FABP6: variants seen among roughly 807,000 people sequenced by gnomAD.
FABP6 encodes the protein fatty acid binding protein 6.
FABP6 carries 13 observed loss-of-function variants against 14.9 expected under a neutral mutation model. That is an observed-to-expected ratio of 0.87 (90% CI 0.57 to 1.39). The LOEUF (loss-of-function observed/expected upper bound fraction) is 1.39, where lower values mean the gene tolerates loss of function less well. FABP6 is among the 40% of genes most tolerant of loss of function. The probability of loss-of-function intolerance (pLI) is 0.00; values close to 1 mark genes in which losing one functional copy is unlikely to be tolerated. For synonymous variants in FABP6, 75 were observed against 63.6 expected, an observed-to-expected ratio of 1.18 and a Z score of -0.85; for missense variants, 161 against 167.2, an observed-to-expected ratio of 0.96 and a Z score of 0.20.
Position 160,234,907 on chromosome 5 carries a change from G to T in FABP6, c.331G>T (p.Glu111Ter). The T allele has an allele frequency of 6.2e-7, 1 of 1,610,510 alleles. No homozygotes were observed. The highest frequency in any genetic ancestry group is 8.5e-7 in the Non-Finnish European group (1 of 1,178,154). The change falls in exon 3 of 4, where the codon GAG becomes TAG. Residue 111 changes from glutamate (E) to a stop codon, truncating the protein, a stop_gained and splice_region_variant. Coordinates refer to ENST00000402432, the MANE Select transcript of FABP6 (RefSeq NM_001445.3). LOFTEE classifies it high-confidence loss of function. ...AGAGATCGTGGGTGACAAGCTGGTG[G>T]AGGTGAGTGTCATGCTGATTCCTGG... ...TSEIVGDKLVEVSTIGGVTYE... is the reference protein window; with the variant it reads ...TSEIVGDKLV
upstream of FABP6, among the ~76,000 whole-genome samples, chr5:160,226,055 T>G (rs1363610674): frequency 6.6e-6 from 1 of 151,680 alleles, no homozygotes; most frequent in Non-Finnish European, 1.5e-5. Flanking sequence ...GCGCCTATAA[T>G]CCCAGCTACT....
At chr5:160,204,873 G>T (rs1205172452) in intron 2 of FABP6, 1 of 152,174 alleles carries the variant, frequency 6.6e-6, no homozygotes, top group Non-Finnish European at 1.5e-5. Flanking sequence ...AAGGTAGGAA[G>T]CCTCACCCTG....
intron 1 of FABP6, among the ~76,000 whole-genome samples, chr5:160,190,477 C>T (rs1759373252): frequency 6.6e-6 from 1 of 152,140 alleles, no homozygotes; most frequent in Non-Finnish European, 1.5e-5. Context: ...GGCGATCTGC[C>T]CACCTTGGCC....
At chr5:160,210,026 C>A (rs571787440) in intron 2 of FABP6, among the ~76,000 whole-genome samples, 1 of 152,186 alleles carries the variant, frequency 6.6e-6, no homozygotes, top group South Asian at 2.1e-4. Context: ...GGAGACCCGA[C>A]GTGATCTGAC....
At chr5:160,211,472 A>C (rs181853839) in intron 2 of FABP6, among the ~76,000 whole-genome samples, 62 of 152,202 alleles carry the variant, frequency 4.1e-4, no homozygotes, top group Non-Finnish European at 7.6e-4. Context: ...AGTGGGCTTT[A>C]TTTTTAGCTC....
chr5:160,225,501 A>G (rs1282445295), upstream of FABP6, among the ~76,000 whole-genome samples: 1 of 149,640 alleles, frequency 6.7e-6, no homozygotes, highest in Non-Finnish European at 1.5e-5. Context: ...TCCTGGGTTC[A>G]AGCGATTCTC....
Position 160,193,881 on chromosome 5 carries a change from C to T in FABP6, c.-58-5168C>T, listed in dbSNP as rs987728660. 3.3e-5 allele frequency among the ~76,000 whole-genome samples: 5 copies of T among 152,366 alleles called. No homozygotes were observed. In the East Asian group the frequency reaches 9.6e-4, roughly 29 times the overall value. ...TGCAGGTGGAGCTGCCTGCCAGTCA[C>T]GCGCCATGCGCTCGCACTCCTCAGC... is the stretch of plus-strand genomic sequence containing the variant. On this transcript the variant is annotated intron_variant, in intron 1 of 6. Coordinates refer to the FABP6 transcript ENST00000393980.
At chr5:160,216,545 G>A (rs1760016823) in intron 3 of FABP6, among the ~76,000 whole-genome samples, 2 of 152,160 alleles carry the variant, frequency 1.3e-5, no homozygotes, top group South Asian at 4.1e-4. Context: ...TGGGATTACA[G>A]GCATGAGCCA....
At chr5:160,214,137 TTCTTTC>T (rs1405860166) in intron 3 of FABP6, among the ~76,000 whole-genome samples, 3 of 148,950 alleles carry the variant, frequency 2.0e-5, no homozygotes, top group African/African-American at 5.0e-5. Flanking sequence ...CTTTCTTTCT[TTCTTTC>T]TTTCTTTCTT....
intron 1 of FABP6, among the ~76,000 whole-genome samples, chr5:160,193,413 C>G (rs945498590): frequency 2.9e-4 from 44 of 152,084 alleles, no homozygotes; most frequent in Admixed American, 2.3e-3. Context: ...AAGAACAAGG[C>G]TTCCACAGTG....
intron 3 of FABP6, among the ~76,000 whole-genome samples, chr5:160,216,550 G>A (rs1381151616): frequency 2.0e-5 from 3 of 152,154 alleles, no homozygotes; most frequent in Middle Eastern, 3.2e-3. Flanking sequence ...TTACAGGCAT[G>A]AGCCACCGTG....
At chr5:160,207,723 CTTT>C (rs139123590) in intron 2 of FABP6, among the ~76,000 whole-genome samples, 88 of 124,282 alleles carry the variant, frequency 7.1e-4, no homozygotes, top group Non-Finnish European at 3.6e-4. Flanking sequence ...TCTTTACCTC[CTTT>C]TTTTTTTTTT....
chr5:160,220,761 A>G (rs1015177374), intron 3 of FABP6, among the ~76,000 whole-genome samples: 4 of 152,004 alleles, frequency 2.6e-5, no homozygotes, highest in African/African-American at 9.7e-5. Context: ...ATCATGTTGT[A>G]ACTGCCTGTT....
rs376369162 is a variant in FABP6, at chr5:160,232,090, G to A, written c.68-8G>A. 15 of 1,613,334 alleles carry A rather than the reference G, an allele frequency of 9.3e-6. No homozygotes were observed. Among genetic ancestry groups the A allele is most frequent in the Non-Finnish European group, 1.1e-5 (13 of 1,179,758 alleles). On this transcript the variant is annotated splice_polypyrimidine_tract_variant and splice_region_variant and intron_variant, in intron 1 of 3. Transcript: ENST00000402432. The stretch of plus-strand genomic sequence containing the variant: ...TTATATGGCTACTCTGCTTGTCCCC[G>A]GGTCCAGGGATCTCCAGCGATGTAA...
At chr5:160,205,300 AG>A (rs1759738012) in intron 2 of FABP6, among the ~76,000 whole-genome samples, 1 of 141,328 alleles carries the variant, frequency 7.1e-6, no homozygotes, top group Non-Finnish European at 1.5e-5. Context: ...CCTGGGTGAC[AG>A]AGCAAGACTT....
At chr5:160,217,614 T>A in intron 3 of FABP6, among the ~76,000 whole-genome samples, 1 of 151,900 alleles carries the variant, frequency 6.6e-6, no homozygotes, top group Non-Finnish European at 1.5e-5. Context: ...TTATTTTATT[T>A]TATCTTATTT....
chr5:160,214,974 C>T (rs1034462131), intron 3 of FABP6, among the ~76,000 whole-genome samples: 1 of 152,178 alleles, frequency 6.6e-6, no homozygotes, highest in Admixed American at 6.5e-5. Context: ...TCAGAGGTCA[C>T]TATCCTCCAC....
intron 1 of FABP6, among the ~76,000 whole-genome samples, chr5:160,192,849 TG>T (rs1166395652): frequency 6.6e-6 from 1 of 152,240 alleles, no homozygotes; most frequent in African/African-American, 2.4e-5. Flanking sequence ...TGATGGCTCA[TG>T]CCTGTAATCC....
chr5:160,238,461 A>G (rs1760566010), intron 3 of FABP6, 145 bp from the exon 4 acceptor site: 1 of 653,468 alleles, frequency 1.5e-6, no homozygotes, highest in Non-Finnish European at 2.8e-6. Flanking sequence ...CCTGGAACAA[A>G]TTGGGAAACT....
Sources: allele counts gnomAD v4.1 joint callset (sites outside exome capture counted in the v4.1 genomes callset), GRCh38; gene constraint gnomAD v4.1.1; transcripts MANE v1.5; gene names NCBI Gene and HGNC (gene_info 2026-07-23, HGNC 2026-07-21).